Variants in PARM1 observed in about 807,000 individuals in gnomAD.
PARM1 encodes WSC4, cell wall integrity and stress response component 4 homolog.
A neutral mutation model predicts 24.6 loss-of-function variants in PARM1; 14 were observed. The observed-to-expected ratio is 0.57, with a 90% CI of 0.38 to 0.89. PARM1 has a LOEUF of 0.89. Ranked by LOEUF, PARM1 falls within the 40% of genes least tolerant of loss-of-function variation. The pLI, the probability that PARM1 is intolerant of heterozygous loss-of-function variation, is 0.00. For missense variants in PARM1, 362 were observed against 380.4 expected, an observed-to-expected ratio of 0.95 and a Z score of 0.40; for synonymous variants, 179 against 156.6, an observed-to-expected ratio of 1.14 and a Z score of -1.07.
chr4:75,021,774 C>T (rs534148698), intron 2 of PARM1, among the ~76,000 whole-genome samples: 5 of 152,196 alleles, frequency 3.3e-5, no homozygotes, highest in East Asian at 3.9e-4. Flanking sequence ...TCCATGTTGC[C>T]GCAAAGGGCA....
chr4:75,006,965 G>T (rs186600702), intron 1 of PARM1, among the ~76,000 whole-genome samples: 15 of 152,120 alleles, frequency 9.9e-5, no homozygotes, highest in African/African-American at 3.4e-4. Context: ...AAATTTTTGC[G>T]ATCTACCCAT....
chr4:75,036,452 C>T (rs1723373932), intron 3 of PARM1, among the ~76,000 whole-genome samples: 1 of 152,204 alleles, frequency 6.6e-6, no homozygotes. Flanking sequence ...ATTTCCCTCA[C>T]CTGTAAAATA....
intron 1 of PARM1, among the ~76,000 whole-genome samples, chr4:74,990,874 G>A (rs559493531): frequency 6.0e-4 from 91 of 152,118 alleles, no homozygotes; most frequent in Non-Finnish European, 1.2e-3. Flanking sequence ...GAAGCCATCA[G>A]ATTGGATGAC....
intron 1 of PARM1, among the ~76,000 whole-genome samples, chr4:74,964,088 G>C (rs1043425504): frequency 6.6e-6 from 1 of 152,326 alleles, no homozygotes; most frequent in Non-Finnish European, 1.5e-5. Context: ...GACACTGAAA[G>C]TTTGCTGCCT....
At chr4:75,034,040 T>TAAGGAACAAGTATCCA in intron 3 of PARM1, 79 bp downstream of exon 3, 1 of 1,130,468 alleles carries the variant, frequency 8.8e-7, no homozygotes, top group Non-Finnish European at 1.3e-6. Flanking sequence ...GCTGGATACT[T>TAAGGAACAAGTATCCA]GTTCCTTAAT....
In PARM1 at chr4:75,013,010, C is replaced by T; in HGVS notation, c.629C>T (p.Ala210Val). 6.2e-7 allele frequency: 1 copy of T among 1,614,004 alleles called. No homozygotes were observed. The highest frequency in any genetic ancestry group is 8.5e-7 in the Non-Finnish European group (1 of 1,179,876). The change falls in exon 2 of 4, where the codon GCC becomes GTC. Residue 210 changes from alanine to valine, a missense_variant. By Grantham distance (64) the Ala-to-Val change is moderately conservative. Transcript: ENST00000307428. ...TCTGACCACACACCCACTTCACATG[C>T]CACAGCTGAGCCAGTACCCCAGGAG... ...SSSDHTPTSH[A>V]TAEPVPQEKT...
chr4:74,941,181 A>G (rs950043067), intron 1 of PARM1, among the ~76,000 whole-genome samples: 1 of 152,208 alleles, frequency 6.6e-6, no homozygotes, highest in African/African-American at 2.4e-5. Context: ...TTATCTTAAA[A>G]ATTACAATGT....
At chr4:75,023,220 C>A (rs72861002) in intron 2 of PARM1, among the ~76,000 whole-genome samples, 5,495 of 152,276 alleles carry the variant, frequency 0.036, 350 homozygotes, top group African/African-American at 0.13. Context: ...AAGCTTTGGC[C>A]TCAGACTGCC....
At chr4:75,043,083 G>A (rs1290898452) in intron 3 of PARM1, among the ~76,000 whole-genome samples, 2 of 152,052 alleles carry the variant, frequency 1.3e-5, no homozygotes, top group Non-Finnish European at 2.9e-5. Context: ...ACCATAGCCA[G>A]TAAACCTGAT....
intron 3 of PARM1, among the ~76,000 whole-genome samples, chr4:75,045,088 A>T (rs757339818): frequency 3.9e-5 from 6 of 152,208 alleles, no homozygotes; most frequent in Non-Finnish European, 7.3e-5. Context: ...CTCACTGAGA[A>T]GGTGACATTT....
At chr4:75,028,435 C>G (rs549714060) in intron 2 of PARM1, among the ~76,000 whole-genome samples, 5 of 152,172 alleles carry the variant, frequency 3.3e-5, no homozygotes, top group Non-Finnish European at 5.9e-5. Flanking sequence ...GAAGGAGCTG[C>G]GGCACACCCT....
At chr4:74,937,407 G>A (rs991280071) in intron 1 of PARM1, among the ~76,000 whole-genome samples, 1 of 152,158 alleles carries the variant, frequency 6.6e-6, no homozygotes, top group African/African-American at 2.4e-5. Context: ...ACTCTCTGTT[G>A]TTATCTGATG....
chr4:74,951,049 A>G (rs1290226160), intron 1 of PARM1, among the ~76,000 whole-genome samples: 1 of 152,222 alleles, frequency 6.6e-6, no homozygotes, highest in African/African-American at 2.4e-5. Context: ...TGGGACTTTA[A>G]TGTTGCTCCT....
chr4:75,003,307 A>T (rs1722714793), intron 1 of PARM1, among the ~76,000 whole-genome samples: 1 of 150,986 alleles, frequency 6.6e-6, no homozygotes, highest in South Asian at 2.1e-4. Context: ...ACAAAGACAG[A>T]TGTTGCATCT....
chr4:75,007,731 G>C (rs1238646563), intron 1 of PARM1, among the ~76,000 whole-genome samples: 4 of 152,160 alleles, frequency 2.6e-5, no homozygotes, highest in African/African-American at 9.7e-5. Context: ...TTGAGGATGG[G>C]GCCTCTAGGT....
chr4:74,934,516 C>T (rs1721135632), intron 1 of PARM1, among the ~76,000 whole-genome samples: 2 of 152,238 alleles, frequency 1.3e-5, no homozygotes, highest in South Asian at 4.1e-4. Flanking sequence ...AGTTTCCCAA[C>T]TTGAAACTAT....
chr4:75,003,679 T>C (rs377344245), intron 1 of PARM1, among the ~76,000 whole-genome samples: 1 of 152,336 alleles, frequency 6.6e-6, no homozygotes, highest in East Asian at 1.9e-4. Context: ...ACCATATGGT[T>C]GGACCACACT....
chr4:75,044,778 A>G (rs1723567020), intron 3 of PARM1, among the ~76,000 whole-genome samples: 1 of 152,178 alleles, frequency 6.6e-6, no homozygotes. Flanking sequence ...TAACAGTTCC[A>G]TGTGGCTGGG....
At chr4:74,944,290 G>A (rs921489730) in intron 1 of PARM1, among the ~76,000 whole-genome samples, 2 of 152,200 alleles carry the variant, frequency 1.3e-5, no homozygotes, top group African/African-American at 4.8e-5. Flanking sequence ...ATATCAACTT[G>A]AAGAGCAACC....
Sources: gnomAD v4.1 joint callset for allele counts (sites outside exome capture counted in the v4.1 genomes callset) on GRCh38, gnomAD v4.1.1 for gene constraint, MANE v1.5 for transcripts, NCBI Gene and HGNC (gene_info 2026-07-23, HGNC 2026-07-21) for gene names.